The following PTPRD variants were observed in gnomAD, a reference collection of about 807,000 sequenced individuals.
PTPRD encodes protein tyrosine phosphatase receptor type D.
Under a neutral mutation model 214.5 loss-of-function variants are expected in PTPRD, and 34 were observed. That is an observed-to-expected ratio of 0.16 (90% CI 0.12 to 0.21). The LOEUF is 0.21. PTPRD is among the 10% of genes least tolerant of loss of function. The pLI is 1.00. For synonymous variants in PTPRD, 1,128 were observed against 845.7 expected (o/e 1.33, Z -5.79); for missense variants, 2,545 against 2,398.7 (o/e 1.06, Z -1.27).
At chr9:9,899,488 G>C (rs914270104) in intron 5 of PTPRD, among the ~76,000 whole-genome samples, 2 of 151,932 alleles carry the variant, frequency 1.3e-5, no homozygotes, top group Non-Finnish European at 2.9e-5. Context: ...GCAAATTAAA[G>C]CCACTGTGAG....
At chr9:10,198,021 T>C (rs994564234) in intron 3 of PTPRD, among the ~76,000 whole-genome samples, 22 of 152,134 alleles carry the variant, frequency 1.4e-4, no homozygotes, top group Non-Finnish European at 2.9e-4. Context: ...GATAATTTAA[T>C]CTTTTAAAAT....
chr9:10,578,789 A>T (rs1407180440), intron 2 of PTPRD, among the ~76,000 whole-genome samples: 3 of 152,112 alleles, frequency 2.0e-5, no homozygotes, highest in Non-Finnish European at 4.4e-5. Flanking sequence ...ACATGGGTAT[A>T]TTGTATAACT....
Position 8,726,591 on chromosome 9 carries a change from ATATATATATATATATATAT to A in PTPRD, c.64+7170_64+7188del, listed in dbSNP as rs2098569637. Among the ~76,000 whole-genome samples the A allele has an allele frequency of 1.4e-3, 16 of 11,638 alleles. 3 individuals are homozygous for A. Among genetic ancestry groups the A allele is most frequent in the African/African-American group, 5.1e-3 (10 of 1,968 alleles). 7.6% of individuals were successfully genotyped at this position (11,638 alleles called of 152,430 possible). On this transcript the variant is annotated intron_variant, in intron 12 of 45. Transcript: ENST00000381196. ...TACTAAAAAAAAAAAAAAAAAAAATATATATATATATATATATATATATATATATATATATATATATATA... is the reference window on the plus strand; with the variant it reads ...TACTAAAAAAAAAAAAAAAAAAAATAATATATATATATATATATATATATA...
intron 5 of PTPRD, among the ~76,000 whole-genome samples, chr9:9,767,723 G>T (rs1241451536): frequency 2.6e-5 from 4 of 151,884 alleles, no homozygotes; most frequent in African/African-American, 9.7e-5. Flanking sequence ...CACTATTTTG[G>T]AGTAAAATTT....
rs1050375899 is a variant in PTPRD, at chr9:9,556,367, T to C, written c.-237+18365A>G. Reference sequence around the variant, plus strand: ...GCAGAGGAAAAAGAGGTGGAGGAGGTAGAAGGGGAAGGAGGCACGTTTGGT... The same window carrying C: ...GCAGAGGAAAAAGAGGTGGAGGAGGCAGAAGGGGAAGGAGGCACGTTTGGT... On this transcript the variant is annotated intron_variant, in intron 8 of 45. Transcript: ENST00000381196. 3.9e-5 allele frequency among the ~76,000 whole-genome samples: 6 copies of C among 151,992 alleles called. No individual in the cohort carries two copies. The South Asian group carries it at 8.3e-4, about 21-fold the overall frequency.
chr9:8,656,716 A>G (rs1028089769), intron 12 of PTPRD, among the ~76,000 whole-genome samples: 2 of 152,344 alleles, frequency 1.3e-5, no homozygotes, highest in Admixed American at 1.3e-4. Context: ...ATTTAGCAGA[A>G]TATCTTTATA....
intron 3 of PTPRD, among the ~76,000 whole-genome samples, chr9:10,203,139 G>A (rs1468456637): frequency 6.7e-6 from 1 of 149,418 alleles, no homozygotes; most frequent in African/African-American, 2.5e-5. Flanking sequence ...TGAGAAATCA[G>A]TTCCTGTTTA....
At chr9:9,556,937 T>C (rs1027829437) in intron 8 of PTPRD, among the ~76,000 whole-genome samples, 11 of 152,092 alleles carry the variant, frequency 7.2e-5, no homozygotes, top group Non-Finnish European at 2.9e-5. Context: ...AGAGTAAAGA[T>C]TTCAACTGAG....
chr9:9,423,651 C>A (rs2079686667), intron 8 of PTPRD, among the ~76,000 whole-genome samples: 1 of 152,002 alleles, frequency 6.6e-6, no homozygotes, highest in African/African-American at 2.4e-5. Context: ...AGGATGGCAA[C>A]AGAGATAACT....
chr9:8,389,495 C>G (rs956066064), intron 36 of PTPRD, 88 bp from the exon 37 acceptor site: 1 of 960,788 alleles, frequency 1.0e-6, no homozygotes, highest in African/African-American at 1.7e-5. Context: ...TGCTATCTTA[C>G]TGTTCCACCT....
chr9:8,347,264 G>T (rs2074108406), intron 39 of PTPRD, among the ~76,000 whole-genome samples: 1 of 152,016 alleles, frequency 6.6e-6, no homozygotes, highest in South Asian at 2.1e-4. Context: ...CTATGCTAAA[G>T]CATCCATTCC....
At chr9:10,162,362 C>T (rs554948235) in intron 3 of PTPRD, among the ~76,000 whole-genome samples, 1 of 151,094 alleles carries the variant, frequency 6.6e-6, no homozygotes, top group East Asian at 1.9e-4. Context: ...TAATATTCAG[C>T]CATAAAAAGA....
chr9:8,524,977 G>A lies in PTPRD; in HGVS notation c.627C>T (p.Ala209=), dbSNP rs1415355437. The A allele has an allele frequency of 6.2e-7, 1 of 1,613,606 alleles. No homozygotes were observed. Residue 209 remains alanine, a synonymous_variant, in exon 18 of 46, where the codon GCC becomes GCT. Transcript: ENST00000381196. ...ESDQGKYECV[A]TNSAGTRYSA... ...AATAGCGAGTGCCCGCGCTGTTGGT[G>A]GCAACACACTCATATTTTCCTTGGT...
intron 10 of PTPRD, among the ~76,000 whole-genome samples, chr9:9,094,604 T>G (rs566782252): frequency 2.5e-4 from 38 of 151,776 alleles, no homozygotes; most frequent in African/African-American, 9.2e-4. Context: ...TGCACCAAAA[T>G]CTCAGAAATC....
chr9:10,289,187 TA>T (rs1565062310), intron 3 of PTPRD, among the ~76,000 whole-genome samples: 1 of 152,202 alleles, frequency 6.6e-6, no homozygotes, highest in Non-Finnish European at 1.5e-5. Context: ...AAAGTTTGGG[TA>T]GATTTATTCA....
At chr9:9,369,500 C>G (rs1015289213) in intron 9 of PTPRD, among the ~76,000 whole-genome samples, 16 of 151,988 alleles carry the variant, frequency 1.1e-4, no homozygotes, top group Non-Finnish European at 2.2e-4. Flanking sequence ...ATTGTAGATT[C>G]TGGATATTAG....
intron 14 of PTPRD, among the ~76,000 whole-genome samples, chr9:8,618,753 G>C (rs960232142): frequency 2.6e-5 from 4 of 151,842 alleles, no homozygotes; most frequent in African/African-American, 7.3e-5. Flanking sequence ...CTAGAATGCA[G>C]TGGTGCGATC....
At chr9:9,509,333 C>G (rs758483348) in intron 8 of PTPRD, among the ~76,000 whole-genome samples, 1 of 151,400 alleles carries the variant, frequency 6.6e-6, no homozygotes, top group African/African-American at 2.4e-5. Context: ...GAAATTGACC[C>G]TCCTACTATT....
chr9:8,835,988 G>A (rs949335141), intron 11 of PTPRD, among the ~76,000 whole-genome samples: 8 of 152,250 alleles, frequency 5.3e-5, no homozygotes, highest in Admixed American at 3.9e-4. Flanking sequence ...CTGGATCCAC[G>A]TCTGTAACAC....
Sources: allele counts gnomAD v4.1 joint callset (sites outside exome capture counted in the v4.1 genomes callset), GRCh38; gene constraint gnomAD v4.1.1; transcripts MANE v1.5; gene names NCBI Gene and HGNC (gene_info 2026-07-23, HGNC 2026-07-21).